SLC4A4: variants seen among roughly 807,000 people sequenced by gnomAD.
SLC4A4 encodes the protein electrogenic sodium bicarbonate cotransporter 1.
In SLC4A4, 27 loss-of-function variants were observed where a neutral mutation model predicts 111.5. The ratio of observed to expected loss-of-function variants is 0.24; its 90% CI spans 0.18 to 0.33. The LOEUF is 0.33. Ranked by LOEUF, SLC4A4 falls within the 10% of genes least tolerant of loss-of-function variation. The pLI, the probability that SLC4A4 is intolerant of heterozygous loss-of-function variation, is 1.00. For synonymous variants in SLC4A4, 443 were observed against 463.4 expected (o/e 0.96, Z 0.57); for missense variants, 909 against 1,315.5 (o/e 0.69, Z 4.78).
In SLC4A4 at chr4:71,350,068, G is replaced by T; in HGVS notation, c.546G>T (p.Leu182Phe). Residue 182 changes from leucine (L) to phenylalanine (F), a missense_variant, in exon 5 of 26, where the codon TTG becomes TTT. Around this residue, in one of 7 missense-constraint regions of SLC4A4, gnomAD observed 312 missense variants for 402.0 expected, o/e 0.78. Coordinates refer to ENST00000264485, the MANE Select transcript of SLC4A4 (RefSeq NM_001098484.3). ...GGGAGGCTTCTTCTCTCCCACAGTT[G>T]GTGGGTAAGTATGCTGTTTGAATTT... ...LDREASSLPQ[L>F]VEMIVDHQIE... 1 of 1,614,004 alleles carries T rather than the reference G, an allele frequency of 6.2e-7. No individual in the cohort carries two copies. Among genetic ancestry groups the T allele is most frequent in the Non-Finnish European group, 8.5e-7 (1 of 1,179,964 alleles).
chr4:71,187,608 A>AT (rs982258447), intron 1 of SLC4A4, among the ~76,000 whole-genome samples: 25 of 151,720 alleles, frequency 1.6e-4, no homozygotes, highest in East Asian at 7.8e-4. Context: ...GCGGAAAAGT[A>AT]TTTTTTTTCC....
rs1359574538 is a variant in SLC4A4, at chr4:71,437,365, A to G, written c.808-3251A>G. 1.2e-5 allele frequency: 4 copies of G among 327,760 alleles called. No individual in the cohort carries two copies. In the East Asian group the frequency reaches 3.0e-4, roughly 25 times the overall value. The allele number at this position is 327,760 out of a possible 1,614,324, so 20.3% of individuals were successfully genotyped here. On this transcript the variant is annotated intron_variant, in intron 7 of 25. Transcript: ENST00000264485. Reference sequence around the variant, plus strand: ...GAATACATAAGTTACAATATCCAGTAAATTAGAAACTACTATCAGTTTGTG... The same window carrying G: ...GAATACATAAGTTACAATATCCAGTGAATTAGAAACTACTATCAGTTTGTG...
intron 7 of SLC4A4, among the ~76,000 whole-genome samples, chr4:71,415,881 C>T (rs1225072613): frequency 6.6e-6 from 1 of 152,216 alleles, no homozygotes; most frequent in Non-Finnish European, 1.5e-5. Flanking sequence ...GACCTATTAT[C>T]TGCTCAGCAT....
intron 2 of SLC4A4, among the ~76,000 whole-genome samples, chr4:71,124,360 C>T (rs574577722): frequency 1.8e-4 from 27 of 151,968 alleles, no homozygotes; most frequent in Non-Finnish European, 2.9e-4. Context: ...TTAGTAGAGA[C>T]GGGGTTTCAC....
intron 16 of SLC4A4, among the ~76,000 whole-genome samples, chr4:71,515,444 C>T (rs575354343): frequency 3.3e-5 from 5 of 152,252 alleles, no homozygotes; most frequent in Non-Finnish European, 5.9e-5. Context: ...AATATATATT[C>T]TGCAGTTGTT....
chr4:71,536,205 T>A lies in SLC4A4; in HGVS notation c.2442+1817T>A, dbSNP rs570890160. 1.3e-4 allele frequency among the ~76,000 whole-genome samples: 20 copies of A among 151,790 alleles called. No homozygotes were observed. In the South Asian group the frequency reaches 4.2e-3, roughly 32 times the overall value. On this transcript the variant is annotated intron_variant, in intron 18 of 25. Coordinates refer to ENST00000264485, the MANE Select transcript of SLC4A4 (RefSeq NM_001098484.3). ...ATATCTGCAACTGGCACAGCCTTACTTCTTTACTTTGCTGTAGTCAATGGG... is the reference window on the plus strand; with the variant it reads ...ATATCTGCAACTGGCACAGCCTTACATCTTTACTTTGCTGTAGTCAATGGG...
intron 15 of SLC4A4, among the ~76,000 whole-genome samples, chr4:71,495,291 C>G (rs566528925): frequency 6.6e-6 from 1 of 152,172 alleles, no homozygotes; most frequent in Non-Finnish European, 1.5e-5. Flanking sequence ...GTGGGCAACT[C>G]TAGTTATAGA....
intron 1 of SLC4A4, among the ~76,000 whole-genome samples, 154 bp downstream of exon 1, chr4:71,187,555 C>T (rs889493393): frequency 6.6e-6 from 1 of 152,026 alleles, no homozygotes; most frequent in Non-Finnish European, 1.5e-5. Flanking sequence ...GCGGGCCGGG[C>T]ATCCCCTGAG....
chr4:71,131,094 C>T (rs1743688148), intron 2 of SLC4A4, among the ~76,000 whole-genome samples: 1 of 152,226 alleles, frequency 6.6e-6, no homozygotes, highest in Admixed American at 6.5e-5. Context: ...TTCTCAACCA[C>T]TGACTTTTCT....
intron 2 of SLC4A4, among the ~76,000 whole-genome samples, chr4:71,178,499 T>C (rs191919752): frequency 0.065 from 9,820 of 151,744 alleles, 313 homozygotes; most frequent in East Asian, 0.092. Context: ...ATCAAATAGA[T>C]GCAATAAAAA....
chr4:71,101,178 G>T (rs925448992), intron 2 of SLC4A4, among the ~76,000 whole-genome samples: 2 of 152,170 alleles, frequency 1.3e-5, no homozygotes, highest in Non-Finnish European at 2.9e-5. Context: ...AGAATGGCTT[G>T]AACGCAAGAA....
At chr4:71,273,731 A>C (rs1042922606) in intron 3 of SLC4A4, among the ~76,000 whole-genome samples, 2 of 151,212 alleles carry the variant, frequency 1.3e-5, no homozygotes, top group African/African-American at 2.4e-5. Flanking sequence ...TTGAAAGCAT[A>C]GATAAGTAGT....
chr4:71,551,900 T>G (rs1236358381), intron 20 of SLC4A4, among the ~76,000 whole-genome samples: 1 of 151,922 alleles, frequency 6.6e-6, no homozygotes, highest in Non-Finnish European at 1.5e-5. Flanking sequence ...AGGATATTAT[T>G]TGAATAACAT....
intron 2 of SLC4A4, among the ~76,000 whole-genome samples, chr4:71,156,668 T>G (rs2076664855): frequency 6.6e-6 from 1 of 151,158 alleles, no homozygotes; most frequent in Admixed American, 6.6e-5. Flanking sequence ...TCAAAAGAGA[T>G]GTAACAGGGG....
At chr4:71,433,200 A>G (rs1259285187) in intron 7 of SLC4A4, among the ~76,000 whole-genome samples, 1 of 151,428 alleles carries the variant, frequency 6.6e-6, no homozygotes, top group East Asian at 1.9e-4. Flanking sequence ...CTAGTATTTC[A>G]CTGCAAAAAT....
intron 2 of SLC4A4, among the ~76,000 whole-genome samples, chr4:71,149,408 C>T (rs185165325): frequency 6.5e-4 from 99 of 152,160 alleles, no homozygotes; most frequent in African/African-American, 2.3e-3. Flanking sequence ...GTTATAGAAA[C>T]AAGACACAGC....
intron 1 of SLC4A4, among the ~76,000 whole-genome samples, chr4:71,190,082 AG>A (rs1265835454): frequency 6.6e-6 from 1 of 152,204 alleles, no homozygotes; most frequent in African/African-American, 2.4e-5. Context: ...AAATGGATAA[AG>A]AACATCCAGG....
Position 71,388,754 on chromosome 4 carries a change from T to C in SLC4A4, c.731-8823T>C, listed in dbSNP as rs543972233. Among the ~76,000 whole-genome samples the C allele has an allele frequency of 2.6e-5, 4 of 152,276 alleles. No homozygotes were observed. In the South Asian group the frequency reaches 8.3e-4, roughly 32 times the overall value. ...TTTATAGAGATGAGCCCTCACTGTG[T>C]TGCTCAGGGTGGTCTTGAACTCCTA... is the stretch of plus-strand genomic sequence containing the variant. On this transcript the variant is annotated intron_variant, in intron 6 of 25. Transcript: ENST00000264485.
At chr4:71,553,262 C>A (rs1173712981) in intron 20 of SLC4A4, among the ~76,000 whole-genome samples, 1 of 151,864 alleles carries the variant, frequency 6.6e-6, no homozygotes, top group Non-Finnish European at 1.5e-5. Context: ...CCATGCCATT[C>A]TATGTTACTG....
Sources: gnomAD v4.1 joint callset for allele counts (sites outside exome capture counted in the v4.1 genomes callset) on GRCh38, gnomAD v4.1.1 for gene constraint, gnomAD v4.1.1 regional missense constraint, MANE v1.5 for transcripts, NCBI Gene and HGNC (gene_info 2026-07-23, HGNC 2026-07-21) for gene names.